Variants in ACVR1 observed in about 807,000 individuals in gnomAD.
ACVR1 encodes the protein activin A receptor type 1.
A neutral mutation model predicts 57.1 loss-of-function variants in ACVR1; 38 were observed. The observed-to-expected ratio is 0.67, with a 90% CI of 0.51 to 0.87. ACVR1 has a LOEUF of 0.87. ACVR1 is among the 40% of genes least tolerant of loss of function. The pLI, the probability that ACVR1 is intolerant of heterozygous loss-of-function variation, is 0.00. For missense variants in ACVR1, 463 were observed against 638.2 expected (o/e 0.73, Z 2.96); for synonymous variants, 212 against 228.1 (o/e 0.93, Z 0.63).
At chr2:157,805,345 C>T (rs1687480666) in intron 2 of ACVR1, among the ~76,000 whole-genome samples, 1 of 152,194 alleles carries the variant, frequency 6.6e-6, no homozygotes, top group African/African-American at 2.4e-5. Flanking sequence ...CAATTTCTAA[C>T]AATCTGTGAA....
chr2:157,768,158 C>T (rs1264331695), intron 7 of ACVR1, among the ~76,000 whole-genome samples: 2 of 152,164 alleles, frequency 1.3e-5, no homozygotes, highest in African/African-American at 4.8e-5. Flanking sequence ...TTCTTTCTCT[C>T]TCTTCCTCTA....
In ACVR1 at chr2:157,844,869, C is replaced by G. The variant is rs187004381; in HGVS notation, c.-182-26310G>C. On this transcript the variant is annotated intron_variant, in intron 1 of 10. Coordinates refer to ENST00000434821, the MANE Select transcript of ACVR1 (RefSeq NM_001111067.4). ...TAAAAAAAGAGCTCCCTGGGCCCCC[C>G]CTTCCACCATGTGAGAACACAGCAA... Among the ~76,000 whole-genome samples the G allele has an allele frequency of 1.8e-3, 270 of 152,240 alleles. 2 individuals carry two copies. The highest frequency in any genetic ancestry group is 1.4e-3 in the East Asian group (7 of 5,176).
At chr2:157,812,017 G>C (rs1316467986) in intron 2 of ACVR1, among the ~76,000 whole-genome samples, 2 of 152,136 alleles carry the variant, frequency 1.3e-5, no homozygotes, top group Non-Finnish European at 2.9e-5. Context: ...ATGTTATATA[G>C]AAAAGGTTAA....
intron 1 of ACVR1, among the ~76,000 whole-genome samples, chr2:157,819,056 T>G (rs4664899): frequency 3.9e-5 from 5 of 128,848 alleles, no homozygotes; most frequent in Admixed American, 2.4e-4. Context: ...CCAGCCTGGG[T>G]GACAGAGCGA....
intron 1 of ACVR1, among the ~76,000 whole-genome samples, chr2:157,872,586 A>G (rs1337131249): frequency 6.6e-6 from 1 of 152,180 alleles, no homozygotes; most frequent in Non-Finnish European, 1.5e-5. Context: ...GACATACCTC[A>G]ACCTTATTCA....
chr2:157,801,538 GA>G (rs573486005), intron 2 of ACVR1, among the ~76,000 whole-genome samples: 2 of 152,162 alleles, frequency 1.3e-5, no homozygotes, highest in Non-Finnish European at 2.9e-5. Context: ...AATCTGACAT[GA>G]AACAATCTCC....
chr2:157,855,308 G>GTGTGTGTGTATATA (rs1307480066), intron 1 of ACVR1, among the ~76,000 whole-genome samples: 10 of 51,652 alleles, frequency 1.9e-4, no homozygotes, highest in African/African-American at 2.7e-4. Flanking sequence ...GTGTGTGTGT[G>GTGTGTGTGTATATA]TATATATATA....
intron 1 of ACVR1, among the ~76,000 whole-genome samples, chr2:157,856,650 C>G (rs1689544155): frequency 6.6e-6 from 1 of 152,138 alleles, no homozygotes; most frequent in Non-Finnish European, 1.5e-5. Flanking sequence ...TCAGGTCCTT[C>G]CATGCACATA....
chr2:157,842,409 G>A (rs912161137), intron 1 of ACVR1, among the ~76,000 whole-genome samples: 2 of 152,192 alleles, frequency 1.3e-5, no homozygotes, highest in African/African-American at 4.8e-5. Flanking sequence ...TGGCCAGGAG[G>A]TACTGAGCAC....
intron 1 of ACVR1, among the ~76,000 whole-genome samples, chr2:157,830,457 T>C (rs1688542393): frequency 6.6e-6 from 1 of 152,192 alleles, no homozygotes; most frequent in Non-Finnish European, 1.5e-5. Context: ...CCCTAAGTTA[T>C]AGACAAAGAG....
chr2:157,854,095 T>C (rs1273647182), intron 1 of ACVR1, among the ~76,000 whole-genome samples: 1 of 151,626 alleles, frequency 6.6e-6, no homozygotes, highest in Non-Finnish European at 1.5e-5. Context: ...GCACCTTTGG[T>C]CTCAGTGTCA....
chr2:157,806,376 G>A (rs1687547358), intron 2 of ACVR1, among the ~76,000 whole-genome samples: 1 of 152,024 alleles, frequency 6.6e-6, no homozygotes, highest in African/African-American at 2.4e-5. Flanking sequence ...TGCATCAGTG[G>A]TTTCTAGCCC....
intron 9 of ACVR1, among the ~76,000 whole-genome samples, chr2:157,756,377 C>T (rs1185413837): frequency 6.6e-6 from 1 of 152,108 alleles, no homozygotes; most frequent in Non-Finnish European, 1.5e-5. Flanking sequence ...TGACACCCCA[C>T]AGAGTGGGAG....
At chr2:157,851,080 T>C (rs928844412) in intron 1 of ACVR1, among the ~76,000 whole-genome samples, 1 of 152,098 alleles carries the variant, frequency 6.6e-6, no homozygotes, top group Admixed American at 6.5e-5. Flanking sequence ...AGGGTGCTAT[T>C]TCAAAAAACC....
At chr2:157,799,643 T>G in intron 2 of ACVR1, 143 bp from the exon 3 acceptor site, 1 of 670,790 alleles carries the variant, frequency 1.5e-6, no homozygotes, top group Non-Finnish European at 2.7e-6. Context: ...CTTACTACAT[T>G]TAAACACATA....
At chr2:157,826,935 AAGAG>A (rs1006150108) in intron 1 of ACVR1, among the ~76,000 whole-genome samples, 7 of 150,762 alleles carry the variant, frequency 4.6e-5, no homozygotes, top group South Asian at 2.2e-4. Context: ...GAAAGAAAGA[AAGAG>A]AGAAACAGAG....
intron 8 of ACVR1, 133 bp downstream of exon 8, chr2:157,765,788 G>A: frequency 1.2e-6 from 1 of 828,350 alleles, no homozygotes; most frequent in Non-Finnish European, 2.0e-6. Flanking sequence ...GTATAAAGGT[G>A]TTCATTGTAA....
chr2:157,759,970 C>T (rs78176843), intron 9 of ACVR1, among the ~76,000 whole-genome samples: 3,047 of 152,186 alleles, frequency 0.02, 114 homozygotes, highest in African/African-American at 0.069. Context: ...CCATATGCAA[C>T]AAACTCACAG....
At chr2:157,775,195 A>G (rs1686235847) in intron 5 of ACVR1, among the ~76,000 whole-genome samples, 1 of 152,218 alleles carries the variant, frequency 6.6e-6, no homozygotes, top group African/African-American at 2.4e-5. Context: ...CTTAATGTGA[A>G]TCACTCACAA....
Sources: allele counts gnomAD v4.1 joint callset (sites outside exome capture counted in the v4.1 genomes callset), GRCh38; gene constraint gnomAD v4.1.1; transcripts MANE v1.5; gene names NCBI Gene and HGNC (gene_info 2026-07-23, HGNC 2026-07-21).